KCNH7: variants seen among roughly 807,000 people sequenced by gnomAD.
KCNH7 encodes potassium voltage-gated channel subfamily H member 7.
KCNH7 carries 49 observed loss-of-function variants against 120.8 expected under a neutral mutation model. That is an observed-to-expected ratio of 0.41 (90% confidence interval 0.32 to 0.51). The LOEUF (loss-of-function observed/expected upper bound fraction) is 0.51, where lower values mean the gene tolerates loss of function less well. Ranked by LOEUF, KCNH7 falls within the 20% of genes least tolerant of loss-of-function variation. KCNH7 has a pLI of 0.38. For missense variants in KCNH7, 1,097 were observed against 1,446.6 expected, an observed-to-expected ratio of 0.76 and a Z score of 3.92; for synonymous variants, 547 against 516.1, an observed-to-expected ratio of 1.06 and a Z score of -0.81.
chr2:162,463,400 C>A (rs1689208552), intron 6 of KCNH7, among the ~76,000 whole-genome samples: 1 of 151,422 alleles, frequency 6.6e-6, no homozygotes, highest in South Asian at 2.1e-4. Context: ...AAAGTTTTAA[C>A]AGAAGTCAGA....
intron 12 of KCNH7, among the ~76,000 whole-genome samples, chr2:162,391,019 A>C (rs1686729813): frequency 6.6e-6 from 1 of 151,954 alleles, no homozygotes; most frequent in Admixed American, 6.6e-5. Flanking sequence ...GCAAATTTGC[A>C]TTGTTCCACT....
chr2:162,480,688 A>G (rs1178836026), intron 6 of KCNH7, among the ~76,000 whole-genome samples: 1 of 152,036 alleles, frequency 6.6e-6, no homozygotes, highest in Non-Finnish European at 1.5e-5. Context: ...TTTTAAACAA[A>G]CTCTATTTAT....
intron 9 of KCNH7, among the ~76,000 whole-genome samples, chr2:162,421,052 CAG>C (rs1004757779): frequency 4.6e-5 from 7 of 151,782 alleles, no homozygotes; most frequent in Non-Finnish European, 2.9e-5. Flanking sequence ...GCTGAGTGTT[CAG>C]AGTTATCTTG....
At chr2:162,678,752 G>C (rs1295719665) in intron 2 of KCNH7, among the ~76,000 whole-genome samples, 1 of 151,430 alleles carries the variant, frequency 6.6e-6, no homozygotes, top group African/African-American at 2.4e-5. Flanking sequence ...TCACAGCCCA[G>C]GAACTCTTTC....
chr2:162,412,614 A>G (rs1687423621), intron 9 of KCNH7, among the ~76,000 whole-genome samples: 1 of 152,178 alleles, frequency 6.6e-6, no homozygotes, highest in Admixed American at 6.6e-5. Context: ...TTAGTGGAAT[A>G]GTGCCCATTT....
At chr2:162,622,639 C>T (rs961075163) in intron 2 of KCNH7, among the ~76,000 whole-genome samples, 2 of 152,092 alleles carry the variant, frequency 1.3e-5, no homozygotes, top group African/African-American at 4.8e-5. Flanking sequence ...ACTTGTGTCT[C>T]TTAATACCTA....
rs201832671 is a variant in KCNH7 at position 162,836,569 on chromosome 2, C to T, written c.275G>A (p.Arg92Lys). 1 of 1,613,912 alleles carries T rather than the reference C, an allele frequency of 6.2e-7. No homozygotes were observed. Among genetic ancestry groups the T allele is most frequent in the Non-Finnish European group, 8.5e-7 (1 of 1,179,998 alleles). The change falls in exon 2 of 16, where the codon AGG becomes AAG. Residue 92 changes from arginine to lysine, a missense_variant. Transcript: ENST00000332142. ...IAQALLGSEE[R>K]KVEVTYYHKN... The stretch of plus-strand genomic sequence containing the variant: ...GTGATAGTAGGTGACCTCCACTTTC[C>T]TCTCTTCTGACCCCAGCAATGCCTG...
intron 2 of KCNH7, among the ~76,000 whole-genome samples, chr2:162,835,822 G>A (rs1417217055): frequency 1.3e-5 from 2 of 151,850 alleles, no homozygotes; most frequent in Non-Finnish European, 1.5e-5. Context: ...AAGTTTGACA[G>A]GAGGTGTTGC....
intron 2 of KCNH7, among the ~76,000 whole-genome samples, chr2:162,621,252 C>CTTTTTTTTTTTTTTTTTTTTTTTTTTTT (rs35494887): frequency 1.9e-5 from 1 of 52,118 alleles, no homozygotes; most frequent in Non-Finnish European, 3.3e-5. Context: ...GTATCATCAT[C>CTTTTTTTTTTTTTTTTTTTTTTTTTTTT]TTTTTTTTTT....
chr2:162,652,995 G>A (rs1188183949), intron 2 of KCNH7, among the ~76,000 whole-genome samples: 1 of 152,074 alleles, frequency 6.6e-6, no homozygotes, highest in Non-Finnish European at 1.5e-5. Flanking sequence ...TATGCCAAAG[G>A]CCTTACTTTT....
At chr2:162,710,562 ACATT>A (rs1324301693) in intron 2 of KCNH7, among the ~76,000 whole-genome samples, 1 of 152,188 alleles carries the variant, frequency 6.6e-6, no homozygotes, top group African/African-American at 2.4e-5. Context: ...AGGAGAAGAC[ACATT>A]CTAATTTTAG....
intron 2 of KCNH7, among the ~76,000 whole-genome samples, chr2:162,607,970 A>G (rs1440550836): frequency 1.3e-5 from 2 of 152,346 alleles, no homozygotes; most frequent in African/African-American, 4.8e-5. Flanking sequence ...AGTTTTCTTA[A>G]TTTACAAAAT....
chr2:162,546,458 A>G (rs796773236), intron 2 of KCNH7, among the ~76,000 whole-genome samples: 115 of 152,270 alleles, frequency 7.6e-4, no homozygotes, highest in African/African-American at 2.6e-3. Context: ...CTTTAACACA[A>G]CACTGAACTG....
chr2:162,814,910 G>A (rs1684865564), intron 2 of KCNH7, among the ~76,000 whole-genome samples: 1 of 152,106 alleles, frequency 6.6e-6, no homozygotes. Flanking sequence ...ATTTGAAGCA[G>A]TTTTCCTATC....
Position 162,517,814 on chromosome 2 carries a change from T to G in KCNH7, c.808A>C (p.Ile270Leu). The change falls in exon 4 of 16, where the codon ATA becomes CTA. Residue 270 changes from isoleucine to leucine, a missense_variant. Transcript: ENST00000332142. The part of the protein sequence containing the change: ...HSRSRESLCS[I>L]RRASSVHDIE... ...TCATGGACCGAAGATGCTCTCCGTA[T>G]ACTACATAAGCTTTCCCTTGATCTG... is the stretch of plus-strand genomic sequence containing the variant. 2 of 1,612,010 alleles carry G rather than the reference T, an allele frequency of 1.2e-6. No individual in the cohort carries two copies. Among genetic ancestry groups the G allele is most frequent in the Non-Finnish European group, 1.7e-6 (2 of 1,178,606 alleles).
At chr2:162,746,198 A>G (rs184896981) in intron 2 of KCNH7, among the ~76,000 whole-genome samples, 1 of 152,232 alleles carries the variant, frequency 6.6e-6, no homozygotes, top group East Asian at 1.9e-4. Context: ...AAATATGGAA[A>G]TGGATATTGT....
chr2:162,500,939 C>A (rs1157987366), intron 6 of KCNH7, among the ~76,000 whole-genome samples: 1 of 152,048 alleles, frequency 6.6e-6, no homozygotes. Context: ...AAGATAGCTG[C>A]AATTAGGAAA....
rs556137746 is a variant in KCNH7, at chr2:162,449,688, A to G, written c.1129-3245T>C. 2.6e-5 allele frequency among the ~76,000 whole-genome samples: 4 copies of G among 152,124 alleles called. No individual in the cohort carries two copies. In the South Asian group the frequency reaches 6.2e-4, roughly 24 times the overall value. On this transcript the variant is annotated intron_variant, in intron 6 of 15. Transcript: ENST00000332142. ...ATTGTCCACAGCCACCAGAACCTCA[A>G]ATAGAGACAGGCACAGGATGTATTT...
intron 12 of KCNH7, among the ~76,000 whole-genome samples, chr2:162,391,395 C>A (rs1686742089): frequency 6.6e-6 from 1 of 152,040 alleles, no homozygotes; most frequent in African/African-American, 2.4e-5. Flanking sequence ...TTGCTTTCAG[C>A]AAATTTTACA....
Sources: allele counts gnomAD v4.1 joint callset (sites outside exome capture counted in the v4.1 genomes callset), GRCh38; gene constraint gnomAD v4.1.1; transcripts MANE v1.5; gene names NCBI Gene and HGNC (gene_info 2026-07-23, HGNC 2026-07-21).